Variants in JAKMIP2 observed in about 807,000 individuals in gnomAD.
JAKMIP2 encodes janus kinase and microtubule interacting protein 2.
A neutral mutation model predicts 115.0 loss-of-function variants in JAKMIP2; 25 were observed. The observed-to-expected ratio is 0.22, with a 90% CI of 0.16 to 0.30. The LOEUF (loss-of-function observed/expected upper bound fraction) is 0.30, where lower values mean the gene tolerates loss of function less well. Ranked by LOEUF, JAKMIP2 falls within the 10% of genes least tolerant of loss-of-function variation. The pLI is 1.00. For synonymous variants in JAKMIP2, 334 were observed against 343.6 expected, an observed-to-expected ratio of 0.97 and a Z score of 0.31; for missense variants, 642 against 957.6, an observed-to-expected ratio of 0.67 and a Z score of 4.35.
chr5:147,597,014 A>G (rs776282093), intron 21 of JAKMIP2, among the ~76,000 whole-genome samples: 21 of 150,120 alleles, frequency 1.4e-4, no homozygotes, highest in Non-Finnish European at 2.7e-4. Context: ...CTGGGATTAT[A>G]GGCACGGACC....
intron 2 of JAKMIP2, among the ~76,000 whole-genome samples, chr5:147,666,896 G>A (rs547562330): frequency 1.3e-5 from 2 of 151,722 alleles, no homozygotes; most frequent in Non-Finnish European, 2.9e-5. Flanking sequence ...AATACATGGT[G>A]GATATTATAA....
intron 21 of JAKMIP2, chr5:147,595,429 G>A (rs1237396469): frequency 2.2e-6 from 1 of 456,924 alleles, no homozygotes; most frequent in South Asian, 1.5e-5. Flanking sequence ...ACACAGCTTT[G>A]CCCCCTCCAG....
chr5:147,701,172 G>C (rs1201463212), intron 1 of JAKMIP2, among the ~76,000 whole-genome samples: 1 of 152,132 alleles, frequency 6.6e-6, no homozygotes, highest in Non-Finnish European at 1.5e-5. Context: ...TTCTGGAAAG[G>C]GAAGAGGGTA....
chr5:147,681,313 C>T (rs1368802072), intron 1 of JAKMIP2, among the ~76,000 whole-genome samples: 1 of 152,182 alleles, frequency 6.6e-6, no homozygotes, highest in African/African-American at 2.4e-5. Flanking sequence ...TCATCCAGAA[C>T]TGATCTACTA....
chr5:147,693,470 T>C (rs750491762), intron 1 of JAKMIP2, among the ~76,000 whole-genome samples: 7 of 152,180 alleles, frequency 4.6e-5, no homozygotes, highest in Non-Finnish European at 1.0e-4. Flanking sequence ...AACTACACAT[T>C]GCAAATCACT....
chr5:147,701,656 C>T (rs1580803508), intron 1 of JAKMIP2, among the ~76,000 whole-genome samples: 1 of 152,142 alleles, frequency 6.6e-6, no homozygotes, highest in Non-Finnish European at 1.5e-5. Flanking sequence ...TAATTTTGTC[C>T]TTCACACAGC....
chr5:147,648,289 A>G, intron 5 of JAKMIP2, 87 bp downstream of exon 5: 1 of 727,136 alleles, frequency 1.4e-6, no homozygotes. Flanking sequence ...ACTTTTCTCT[A>G]TTATGGTACG....
intron 3 of JAKMIP2, among the ~76,000 whole-genome samples, chr5:147,654,797 CAA>C (rs1758594371): frequency 6.6e-6 from 1 of 152,118 alleles, no homozygotes; most frequent in Non-Finnish European, 1.5e-5. Flanking sequence ...TGCTGGTTTT[CAA>C]AGGGAATTCT....
chr5:147,732,947 T>A (rs2126973758), intron 1 of JAKMIP2, among the ~76,000 whole-genome samples: 1 of 152,348 alleles, frequency 6.6e-6, no homozygotes. Context: ...TCCTGGCACC[T>A]TCAAAGAAAT....
chr5:147,625,803 A>G (rs1757069310), intron 16 of JAKMIP2, among the ~76,000 whole-genome samples: 1 of 152,212 alleles, frequency 6.6e-6, no homozygotes, highest in Non-Finnish European at 1.5e-5. Flanking sequence ...ACTAACAGCC[A>G]AGACTTCACC....
intron 1 of JAKMIP2, among the ~76,000 whole-genome samples, chr5:147,731,101 C>G (rs1753716940): frequency 6.6e-6 from 1 of 152,098 alleles, no homozygotes; most frequent in Non-Finnish European, 1.5e-5. Flanking sequence ...AAGTGAGTGT[C>G]CCCGGCCAGA....
At chr5:147,724,025 TA>T (rs1313419292) in intron 1 of JAKMIP2, among the ~76,000 whole-genome samples, 3 of 152,128 alleles carry the variant, frequency 2.0e-5, no homozygotes, top group Non-Finnish European at 4.4e-5. Context: ...TTATAAAGAG[TA>T]ATTCACTTAA....
intron 1 of JAKMIP2, among the ~76,000 whole-genome samples, chr5:147,719,996 C>T (rs1753197201): frequency 3.3e-5 from 5 of 151,916 alleles, no homozygotes; most frequent in Admixed American, 2.6e-4. Context: ...CCGGTTGTTC[C>T]TTTCCATGTT....
In JAKMIP2 at chr5:147,757,303, C is replaced by T. The variant is rs369626630; in HGVS notation, c.-149+25153G>A. Among the ~76,000 whole-genome samples the T allele has an allele frequency of 9.9e-5, 15 of 152,234 alleles. No individual in the cohort carries two copies. In the East Asian group the frequency reaches 2.1e-3, roughly 22 times the overall value. ...ATCAAGGGCGAGGGAGAACCCTTCA[C>T]AGGTGAAGTCACTATCTTAGTTCTT... On this transcript the variant is annotated intron_variant, in intron 1 of 21. Coordinates refer to ENST00000616793, the MANE Select transcript of JAKMIP2 (RefSeq NM_001270941.2).
chr5:147,762,439 C>G (rs1754962047), intron 1 of JAKMIP2, among the ~76,000 whole-genome samples: 1 of 152,140 alleles, frequency 6.6e-6, no homozygotes, highest in South Asian at 2.1e-4. Flanking sequence ...AATTTATCTT[C>G]TCACAGTTCT....
rs533786669 is a variant in JAKMIP2 at position 147,651,123 on chromosome 5, G to C, written c.628-576C>G. Among the ~76,000 whole-genome samples, 17 of 152,212 alleles carry C rather than the reference G, an allele frequency of 1.1e-4. No homozygotes were observed. In the East Asian group the frequency reaches 3.1e-3, roughly 28 times the overall value. ...CGGTTCATGTGTTATATCTCTTTCT[G>C]TTCTCACTTGTATTTCAGAGCAGCC... On this transcript the variant is annotated intron_variant, in intron 3 of 21. Coordinates refer to ENST00000616793, the MANE Select transcript of JAKMIP2 (RefSeq NM_001270941.2).
chr5:147,682,757 GTT>G (rs1361615556), intron 1 of JAKMIP2, among the ~76,000 whole-genome samples: 12 of 152,174 alleles, frequency 7.9e-5, no homozygotes, highest in Admixed American at 7.9e-4. Context: ...TTGAATGGCT[GTT>G]TCAGGTAAAA....
intron 1 of JAKMIP2, among the ~76,000 whole-genome samples, chr5:147,702,675 AAAGAGAAAG>A: frequency 7.0e-6 from 1 of 142,474 alleles, no homozygotes; most frequent in South Asian, 2.2e-4. Flanking sequence ...AGAGAGAAAG[AAAGAGAAAG>A]AAAGAAAAGA....
chr5:147,670,417 G>A (rs1308977232), intron 2 of JAKMIP2, among the ~76,000 whole-genome samples: 11 of 152,118 alleles, frequency 7.2e-5, no homozygotes. Flanking sequence ...TGTCATGGTG[G>A]TCTCTGGTTT....
Sources: gnomAD v4.1 joint callset for allele counts (sites outside exome capture counted in the v4.1 genomes callset) on GRCh38, gnomAD v4.1.1 for gene constraint, MANE v1.5 for transcripts, NCBI Gene and HGNC (gene_info 2026-07-23, HGNC 2026-07-21) for gene names.